The following ACYP2 variants were observed in gnomAD, a reference collection of about 807,000 sequenced individuals.
ACYP2 encodes acylphosphatase-2.
A neutral mutation model predicts 11.2 loss-of-function variants in ACYP2; 12 were observed. The ratio of observed to expected loss-of-function variants is 1.08; its 90% CI spans 0.69 to 1.74. The LOEUF is 1.74. Ranked by LOEUF, ACYP2 falls within the 40% of genes most tolerant of loss-of-function variation. ACYP2 has a pLI of 0.00. For synonymous variants in ACYP2, 43 were observed against 32.2 expected, an observed-to-expected ratio of 1.33 and a Z score of -1.13; for missense variants, 134 against 101.9, an observed-to-expected ratio of 1.31 and a Z score of -1.35.
At chr2:54,025,622 T>A (rs547616465) in intron 2 of ACYP2, among the ~76,000 whole-genome samples, 1 of 152,278 alleles carries the variant, frequency 6.6e-6, no homozygotes, top group East Asian at 1.9e-4. Flanking sequence ...ACCATAAAAA[T>A]TCTGAAAGAT....
chr2:54,075,511 A>G (rs1176547342), intron 4 of ACYP2, among the ~76,000 whole-genome samples: 2 of 120,254 alleles, frequency 1.7e-5, no homozygotes, highest in Non-Finnish European at 1.8e-5. Context: ...ATTAAAAAAA[A>G]AAAGAAAGAA....
chr2:54,027,407 G>C (rs1009703878), intron 2 of ACYP2, among the ~76,000 whole-genome samples: 7 of 152,116 alleles, frequency 4.6e-5, no homozygotes, highest in African/African-American at 1.7e-4. Flanking sequence ...ATCAAACAGG[G>C]ATGCCAAGAA....
chr2:54,301,044 C>T lies in ACYP2; in HGVS notation c.405-3644C>T, dbSNP rs184734416. 8.1e-3 allele frequency among the ~76,000 whole-genome samples: 1,234 copies of T among 152,242 alleles called. 16 individuals are homozygous for T. Among genetic ancestry groups the T allele is most frequent in the African/African-American group, 0.027 (1,138 of 41,548 alleles). On this transcript the variant is annotated intron_variant, in intron 6 of 6. Transcript: ENST00000607452. ...GTTATTTGCCCATTTTTCTATTGCA[C>T]GGCCATACATATTGGTAATATACCA... is the stretch of plus-strand genomic sequence containing the variant.
chr2:54,045,612 C>A (rs764572098), intron 2 of ACYP2, among the ~76,000 whole-genome samples: 1 of 151,418 alleles, frequency 6.6e-6, no homozygotes, highest in African/African-American at 2.4e-5. Flanking sequence ...GTAAGGAGAT[C>A]GAGACCATCC....
At chr2:54,246,678 T>G (rs971811840) in intron 6 of ACYP2, among the ~76,000 whole-genome samples, 2 of 152,182 alleles carry the variant, frequency 1.3e-5, no homozygotes, top group Non-Finnish European at 2.9e-5. Flanking sequence ...TAAATTTTTA[T>G]ACCTCTAGTT....
chr2:54,048,152 G>A (rs1419560875), intron 2 of ACYP2, among the ~76,000 whole-genome samples: 9 of 152,108 alleles, frequency 5.9e-5, no homozygotes, highest in East Asian at 3.8e-4. Context: ...TAGGCCAGGC[G>A]CAGTGGCTCA....
At chr2:54,184,909 C>T (rs1232650380) in intron 6 of ACYP2, among the ~76,000 whole-genome samples, 3 of 150,842 alleles carry the variant, frequency 2.0e-5, no homozygotes, top group Non-Finnish European at 4.4e-5. Context: ...TGCAGTGGCA[C>T]CTTCTCGGTT....
chr2:54,160,847 T>G (rs896416901), intron 6 of ACYP2, among the ~76,000 whole-genome samples: 5 of 152,158 alleles, frequency 3.3e-5, no homozygotes, highest in Non-Finnish European at 7.3e-5. Flanking sequence ...AAATATGGGC[T>G]AAGAACTGGA....
intron 6 of ACYP2, among the ~76,000 whole-genome samples, chr2:54,261,868 C>CTGTT (rs1044356005): frequency 2.0e-5 from 3 of 152,116 alleles, no homozygotes; most frequent in African/African-American, 7.2e-5. Flanking sequence ...GTTTATCAAA[C>CTGTT]TGTTTGTGAA....
intron 4 of ACYP2, among the ~76,000 whole-genome samples, chr2:54,071,441 C>T (rs1434906958): frequency 3.3e-5 from 5 of 152,090 alleles, no homozygotes; most frequent in Admixed American, 2.6e-4. Flanking sequence ...AAGGTTGCAG[C>T]ATACAAGATC....
At chr2:54,108,504 G>A (rs576100931) in intron 4 of ACYP2, among the ~76,000 whole-genome samples, 10 of 152,280 alleles carry the variant, frequency 6.6e-5, no homozygotes, top group African/African-American at 1.4e-4. Flanking sequence ...TCTCTTCCCC[G>A]GATAGGCTCC....
At chr2:54,028,077 A>G (rs1206024529) in intron 2 of ACYP2, among the ~76,000 whole-genome samples, 1 of 152,038 alleles carries the variant, frequency 6.6e-6, no homozygotes, top group Non-Finnish European at 1.5e-5. Context: ...TCATGAGCTC[A>G]GGTGATCTGC....
intron 6 of ACYP2, among the ~76,000 whole-genome samples, chr2:54,284,042 C>T (rs769437988): frequency 2.0e-5 from 3 of 152,140 alleles, no homozygotes; most frequent in Admixed American, 6.5e-5. Flanking sequence ...ACCCAGGAGG[C>T]GGAGGTTTCA....
intron 2 of ACYP2, among the ~76,000 whole-genome samples, chr2:54,035,009 C>CAAAAAAAAAAA (rs550142135): frequency 6.5e-4 from 29 of 44,764 alleles, no homozygotes; most frequent in Non-Finnish European, 9.5e-4. Context: ...GACTACATCT[C>CAAAAAAAAAAA]AAAAAAAAAA....
At chr2:54,129,070 C>A (rs1308627815) in intron 4 of ACYP2, among the ~76,000 whole-genome samples, 3 of 152,124 alleles carry the variant, frequency 2.0e-5, no homozygotes, top group African/African-American at 7.2e-5. Flanking sequence ...TATGTGTCTC[C>A]TTAAACCATA....
chr2:54,124,526 C>T lies in ACYP2; in HGVS notation c.278-10927C>T, dbSNP rs1037896750. Among the ~76,000 whole-genome samples, 8 of 152,212 alleles carry T rather than the reference C, an allele frequency of 5.3e-5. No homozygotes were observed. In the South Asian group the frequency reaches 6.2e-4, roughly 12 times the overall value. On this transcript the variant is annotated intron_variant, in intron 4 of 6. Coordinates refer to ENST00000607452, the MANE Select transcript of ACYP2 (RefSeq NM_001320586.2). ...TGAATCTTTTCTATATGATTTATTT[C>T]AGCCTTGTTTATTTCCATCTATTAC...
At chr2:54,124,162 A>G (rs1680324602) in intron 4 of ACYP2, among the ~76,000 whole-genome samples, 1 of 152,188 alleles carries the variant, frequency 6.6e-6, no homozygotes, top group Non-Finnish European at 1.5e-5. Context: ...CGTAACCAAA[A>G]ACAACCTAAA....
chr2:54,052,186 A>G (rs1833497), intron 3 of ACYP2, among the ~76,000 whole-genome samples: 57,823 of 151,844 alleles, frequency 0.38, 11,722 homozygotes, highest in East Asian at 0.72. Flanking sequence ...TTTTTTTCTT[A>G]TCTATAAAGC....
chr2:54,255,201 G>A, intron 6 of ACYP2: 1 of 1,614,166 alleles, frequency 6.2e-7, no homozygotes, highest in Non-Finnish European at 8.5e-7. Context: ...CTTGGCCGAA[G>A]GATCTGACCT....
Sources: gnomAD v4.1 joint callset for allele counts (sites outside exome capture counted in the v4.1 genomes callset) on GRCh38, gnomAD v4.1.1 for gene constraint, MANE v1.5 for transcripts, NCBI Gene and HGNC (gene_info 2026-07-23, HGNC 2026-07-21) for gene names.